Variants in PATJ observed in about 807,000 individuals in gnomAD.
PATJ encodes the protein inaD-like protein.
Under a neutral mutation model 224.9 loss-of-function variants are expected in PATJ, and 190 were observed. The observed-to-expected ratio is 0.84, with a 90% CI of 0.75 to 0.95. The LOEUF is 0.95. PATJ is among the 40% of genes least tolerant of loss of function. PATJ has a pLI of 0.00. For synonymous variants in PATJ, 769 were observed against 820.3 expected, an observed-to-expected ratio of 0.94 and a Z score of 1.07; for missense variants, 2,121 against 2,270.3, an observed-to-expected ratio of 0.93 and a Z score of 1.34.
intron 34 of PATJ, 38 bp from the exon 35 acceptor site, chr1:62,114,015 G>A: frequency 6.3e-7 from 1 of 1,592,910 alleles, no homozygotes; most frequent in Non-Finnish European, 8.6e-7. Flanking sequence ...AGAGACCTCT[G>A]CCATCAGCAG....
intron 23 of PATJ, among the ~76,000 whole-genome samples, chr1:61,899,932 G>A (rs1365498781): frequency 6.6e-6 from 1 of 152,224 alleles, no homozygotes. Context: ...ATGTCATTAA[G>A]CAAGTCAGGT....
rs373982557 is a variant in PATJ at position 61,941,066 on chromosome 1, G to A, written c.3670+13237G>A. ...CCATAGAAGCAATTGTATATAATAT[G>A]AATTGGCATATTTCCTATGGAATTT... is the stretch of plus-strand genomic sequence containing the variant. On this transcript the variant is annotated intron_variant, in intron 27 of 43. Coordinates refer to ENST00000642238, the MANE Select transcript of PATJ (RefSeq NM_001350145.3). Among the ~76,000 whole-genome samples the A allele has an allele frequency of 9.2e-5, 14 of 152,244 alleles. No individual in the cohort carries two copies. The South Asian group carries it at 2.1e-3, about 23-fold the overall frequency.
At chr1:62,134,809 G>C (rs1558217268) in intron 41 of PATJ, among the ~76,000 whole-genome samples, 1 of 152,164 alleles carries the variant, frequency 6.6e-6, no homozygotes, top group Non-Finnish European at 1.5e-5. Flanking sequence ...TACCTCCTCA[G>C]TGCTGCCCAC....
At chr1:61,874,942 T>G (rs879519451) in intron 20 of PATJ, among the ~76,000 whole-genome samples, 3 of 152,232 alleles carry the variant, frequency 2.0e-5, no homozygotes, top group Non-Finnish European at 4.4e-5. Flanking sequence ...TTGCTTGACT[T>G]GATAGATCTT....
intron 27 of PATJ, among the ~76,000 whole-genome samples, chr1:61,962,215 T>G (rs1370059659): frequency 1.3e-5 from 2 of 152,208 alleles, no homozygotes; most frequent in African/African-American, 4.8e-5. Context: ...ATTTATAGCC[T>G]CATGAGAATA....
intron 27 of PATJ, among the ~76,000 whole-genome samples, chr1:61,985,478 C>T (rs756949725): frequency 8.6e-5 from 13 of 151,884 alleles, no homozygotes; most frequent in Non-Finnish European, 1.5e-4. Context: ...ACTATTTTAC[C>T]GTCTTTAATT....
At chr1:61,905,906 G>A (rs145965855) in intron 24 of PATJ, among the ~76,000 whole-genome samples, 5 of 152,110 alleles carry the variant, frequency 3.3e-5, no homozygotes, top group Non-Finnish European at 7.4e-5. Context: ...ATCCCCAGCG[G>A]ACACCAACTG....
At chr1:62,055,062 GA>G (rs1162911949) in intron 31 of PATJ, among the ~76,000 whole-genome samples, 4 of 150,984 alleles carry the variant, frequency 2.6e-5, no homozygotes, top group East Asian at 3.9e-4. Flanking sequence ...TCAAAAAAAA[GA>G]AAAAAAAATT....
chr1:61,996,481 A>G (rs112906964), intron 28 of PATJ, among the ~76,000 whole-genome samples: 18 of 152,284 alleles, frequency 1.2e-4, no homozygotes, highest in African/African-American at 3.8e-4. Context: ...GTATGTATGG[A>G]TAAGATTACT....
chr1:62,055,238 C>G (rs751538021), intron 31 of PATJ, among the ~76,000 whole-genome samples: 1 of 152,116 alleles, frequency 6.6e-6, no homozygotes, highest in Non-Finnish European at 1.5e-5. Flanking sequence ...AGAAGTGGAA[C>G]TCATTCAGAA....
chr1:61,950,513 T>C (rs556786346), intron 27 of PATJ, among the ~76,000 whole-genome samples: 14 of 152,342 alleles, frequency 9.2e-5, no homozygotes, highest in African/African-American at 3.4e-4. Flanking sequence ...AACTAGTAGT[T>C]CTTTTGGTTT....
intron 21 of PATJ, 82 bp from the exon 22 acceptor site, chr1:61,884,155 T>C: frequency 1.0e-6 from 1 of 969,040 alleles, no homozygotes; most frequent in South Asian, 2.3e-5. Context: ...CCTCCCATAG[T>C]AGGTGCCCAT....
chr1:61,861,636 T>C lies in PATJ; in HGVS notation c.2408T>C (p.Ile803Thr). 6.8e-7 allele frequency: 1 copy of C among 1,468,442 alleles called. No individual in the cohort carries two copies. The highest frequency in any genetic ancestry group is 1.4e-5 in the South Asian group (1 of 73,678). The allele number at this position is 1,468,442 out of a possible 1,614,324, so 91.0% of individuals were successfully genotyped here. A position where few individuals can be genotyped will look rare whatever the true frequency, so the allele number is the denominator to read the frequency against. Residue 803 changes from isoleucine to threonine, a missense_variant, in exon 19 of 44, where the codon ATA becomes ACA. Coordinates refer to ENST00000642238, the MANE Select transcript of PATJ (RefSeq NM_001350145.3). ...GAATTTTCAGGAACAATTCATGATATAAATTCATCTTTAATACTCGAAGCA... is the reference window on the plus strand; with the variant it reads ...GAATTTTCAGGAACAATTCATGATACAAATTCATCTTTAATACTCGAAGCA... ...KTEFSGTIHDINSSLILEAPK... is the reference protein window; with the variant it reads ...KTEFSGTIHDTNSSLILEAPK...
chr1:62,024,363 T>C (rs1010497927), intron 29 of PATJ, among the ~76,000 whole-genome samples: 2 of 152,176 alleles, frequency 1.3e-5, no homozygotes, highest in Non-Finnish European at 2.9e-5. Flanking sequence ...TTTCTTTAAT[T>C]ACCAATTCAA....
chr1:61,838,521 ATTTTT>A (rs34877280), intron 17 of PATJ, among the ~76,000 whole-genome samples: 6 of 115,556 alleles, frequency 5.2e-5, no homozygotes, highest in African/African-American at 1.7e-4. Context: ...CGCCTGGCTA[ATTTTT>A]TTTTTTTTTT....
intron 1 of PATJ, among the ~76,000 whole-genome samples, chr1:61,750,836 T>G (rs1645284019): frequency 6.6e-6 from 1 of 152,124 alleles, no homozygotes; most frequent in Non-Finnish European, 1.5e-5. Flanking sequence ...TTCCCACCAT[T>G]TAAAATTTGA....
chr1:61,777,382 T>C (rs1213442382), intron 7 of PATJ, among the ~76,000 whole-genome samples: 1 of 151,858 alleles, frequency 6.6e-6, no homozygotes, highest in African/African-American at 2.4e-5. Flanking sequence ...CTGTGCAATA[T>C]GGCAAAACCC....
intron 19 of PATJ, among the ~76,000 whole-genome samples, chr1:61,863,040 T>G (rs939284304): frequency 1.3e-4 from 19 of 143,448 alleles, no homozygotes; most frequent in South Asian, 2.4e-4. Flanking sequence ...TTTTTTTTTT[T>G]TTTTTTTTTT....
intron 27 of PATJ, among the ~76,000 whole-genome samples, chr1:61,986,740 G>A (rs1221555599): frequency 6.6e-6 from 1 of 151,984 alleles, no homozygotes; most frequent in Non-Finnish European, 1.5e-5. Context: ...ATTTTTTCTC[G>A]TTAAGTTTTT....
Sources: allele counts gnomAD v4.1 joint callset (sites outside exome capture counted in the v4.1 genomes callset), GRCh38; gene constraint gnomAD v4.1.1; transcripts MANE v1.5; gene names NCBI Gene and HGNC (gene_info 2026-07-23, HGNC 2026-07-21).